RUBCNL: variants seen among roughly 807,000 people sequenced by gnomAD.
The protein encoded by RUBCNL is rubicon like autophagy enhancer, also known as protein associated with UVRAG as autophagy enhancer.
A neutral mutation model predicts 69.5 loss-of-function variants in RUBCNL; 62 were observed. That is an observed-to-expected ratio of 0.89 (90% CI 0.73 to 1.10). The LOEUF (loss-of-function observed/expected upper bound fraction) is 1.10. Ranked by LOEUF, RUBCNL falls within the 50% of genes least tolerant of loss-of-function variation. The probability of loss-of-function intolerance (pLI) is 0.00; values close to 1 mark genes in which losing one functional copy is unlikely to be tolerated. For synonymous variants in RUBCNL, 291 were observed against 303.6 expected, an observed-to-expected ratio of 0.96 and a Z score of 0.43; for missense variants, 768 against 798.1, an observed-to-expected ratio of 0.96 and a Z score of 0.45.
chr13:46,354,000 G>A (rs1044391439), intron 10 of RUBCNL, among the ~76,000 whole-genome samples: 5 of 152,162 alleles, frequency 3.3e-5, no homozygotes, highest in African/African-American at 4.8e-5. Flanking sequence ...TAAATGCAAT[G>A]TATGAAATTT....
chr13:46,346,006 T>C lies in RUBCNL; in HGVS notation c.1632-406A>G, dbSNP rs2048238325. Among the ~76,000 whole-genome samples the C allele has an allele frequency of 1.3e-5, 2 of 152,224 alleles. 1 individual carries two copies. The highest frequency in any genetic ancestry group is 4.8e-5 in the African/African-American group (2 of 41,442). ...CTACATTTCAAGTCTATCAGCCTTA[T>C]GGACTGTTGGCTCAGCTGCGAAAAT... On this transcript the variant is annotated intron_variant, in intron 12 of 14. Transcript: ENST00000429979.
At chr13:46,373,221 G>A (rs907389946) in intron 2 of RUBCNL, among the ~76,000 whole-genome samples, 15 of 152,086 alleles carry the variant, frequency 9.9e-5, no homozygotes, top group Middle Eastern at 3.2e-3. Flanking sequence ...TGATCCACTC[G>A]CCTCAGCCTC....
upstream of RUBCNL, chr13:46,387,481 G>A (rs951203240): frequency 2.0e-5 from 20 of 985,448 alleles, no homozygotes; most frequent in Non-Finnish European, 2.3e-5. Context: ...GCGCGCCTCT[G>A]CCGGTCCTCC....
At chr13:46,352,581 G>A (rs2048394073) in intron 10 of RUBCNL, among the ~76,000 whole-genome samples, 1 of 152,192 alleles carries the variant, frequency 6.6e-6, no homozygotes, top group Admixed American at 6.5e-5. Flanking sequence ...GAGGTGGGCA[G>A]ATCACCTGAG....
chr13:46,364,122 G>A (rs973492601), intron 5 of RUBCNL, among the ~76,000 whole-genome samples: 6 of 152,018 alleles, frequency 3.9e-5, no homozygotes, highest in South Asian at 2.1e-4. Flanking sequence ...TGGGCTGGGC[G>A]CAGTGGCTCA....
intron 12 of RUBCNL, among the ~76,000 whole-genome samples, chr13:46,347,087 G>C (rs2048261690): frequency 6.6e-6 from 1 of 152,194 alleles, no homozygotes; most frequent in South Asian, 2.1e-4. Context: ...ATCACCCAGG[G>C]AGAGAGCATA....
rs997208086 is a variant in RUBCNL, at chr13:46,368,594, G to A, written c.618+139C>T. The A allele has an allele frequency of 1.6e-5, 21 of 1,299,422 alleles. No homozygotes were observed. The African/African-American group carries it at 3.0e-4, about 18-fold the overall frequency. 80.5% of individuals were successfully genotyped at this position (1,299,422 alleles called of 1,614,324 possible). On this transcript the variant is annotated intron_variant, in intron 4 of 14. Coordinates refer to ENST00000429979, the MANE Select transcript of RUBCNL (RefSeq NM_025113.5). The stretch of plus-strand genomic sequence containing the variant: ...GAACCCTTCTTAGCTTAGTGTTTCT[G>A]GCAGTCTCCATCAATCAAATGCTGA...
At chr13:46,381,954 C>T (rs967069662) in intron 1 of RUBCNL, among the ~76,000 whole-genome samples, 5 of 152,078 alleles carry the variant, frequency 3.3e-5, no homozygotes, top group African/African-American at 9.7e-5. Flanking sequence ...ACAGGTGTGC[C>T]ACCATATCTG....
chr13:46,363,291 T>C (rs2048674318), intron 5 of RUBCNL, 78 bp from the exon 6 acceptor site: 2 of 603,630 alleles, frequency 3.3e-6, no homozygotes, highest in East Asian at 3.3e-5. Context: ...CCCAACTAAA[T>C]AGAAATTGGG....
chr13:46,354,098 T>A (rs2048430612), intron 10 of RUBCNL, among the ~76,000 whole-genome samples: 1 of 152,248 alleles, frequency 6.6e-6, no homozygotes, highest in Non-Finnish European at 1.5e-5. Context: ...GAATTGTTTT[T>A]AATTTTTTTG....
At position 46,343,440 on chromosome 13, in the gene RUBCNL, G is replaced by C. The variant is rs749299358; in HGVS notation, c.1934C>G (p.Ala645Gly). Reference sequence around the variant, plus strand: ...AAGTTTTCTCCTCGCTGTGATCCTCGCACACCGGGGGCACTCGGAGGACTG... The same window carrying C: ...AAGTTTTCTCCTCGCTGTGATCCTCCCACACCGGGGGCACTCGGAGGACTG... ...CFQSSECPRC[A>G]RITARRKLLE... The change falls in exon 15 of 15, where the codon GCG (alanine) becomes GGG (glycine). Residue 645 changes from alanine to glycine, a missense_variant. By Grantham distance (60) the Ala-to-Gly change is moderately conservative. Transcript: ENST00000429979. 1 of 1,613,790 alleles carries C rather than the reference G, an allele frequency of 6.2e-7. No homozygotes were observed. The highest frequency in any genetic ancestry group is 8.5e-7 in the Non-Finnish European group (1 of 1,179,874).
At chr13:46,381,533 T>C (rs550811363) in intron 1 of RUBCNL, among the ~76,000 whole-genome samples, 13 of 152,326 alleles carry the variant, frequency 8.5e-5, no homozygotes, top group African/African-American at 2.6e-4. Flanking sequence ...AATGATGGCA[T>C]ATATTTGTGA....
Position 46,372,576 on chromosome 13 carries a change from G to T in RUBCNL, c.-101C>A. On this transcript the variant is annotated 5_prime_UTR_variant, in exon 3 of 15. The change creates a new upstream start codon in the 5' untranslated region. Transcript: ENST00000429979. ...GGGCCCTGAACTCACCACATGGCCAGCTGGGGGTCTGGAGAGCTATTCTGC... is the reference window on the plus strand; with the variant it reads ...GGGCCCTGAACTCACCACATGGCCATCTGGGGGTCTGGAGAGCTATTCTGC... The T allele has an allele frequency of 6.8e-7, 1 of 1,478,394 alleles. No homozygotes were observed. The allele number at this position is 1,478,394 out of a possible 1,614,324, so 91.6% of individuals were successfully genotyped here.
At chr13:46,365,739 C>T (rs890996416) in intron 5 of RUBCNL, among the ~76,000 whole-genome samples, 10 of 152,158 alleles carry the variant, frequency 6.6e-5, no homozygotes, top group Admixed American at 6.5e-4. Context: ...GCACGAGATT[C>T]CTGTTTAAAA....
intron 5 of RUBCNL, among the ~76,000 whole-genome samples, chr13:46,367,250 G>A (rs867053985): frequency 1.3e-5 from 2 of 152,220 alleles, no homozygotes; most frequent in Non-Finnish European, 1.5e-5. Context: ...AGGGCTTCCC[G>A]GTCCCATGCT....
chr13:46,336,484 T>C lies in RUBCNL; in HGVS notation c.*6901A>G, dbSNP rs1403761304. ...TTACAAAGAAAATTTTTGAAAATTA[T>C]TCTAATCCCACTATACAGAGATAAT... On this transcript the variant is annotated 3_prime_UTR_variant, in exon 15 of 15. Transcript: ENST00000429979. Among the ~76,000 whole-genome samples, 1 of 152,224 alleles carries C rather than the reference T, an allele frequency of 6.6e-6. No individual in the cohort carries two copies. The highest frequency in any genetic ancestry group is 1.5e-5 in the Non-Finnish European group (1 of 68,048).
intron 7 of RUBCNL, among the ~76,000 whole-genome samples, chr13:46,362,229 C>T (rs1350240672): frequency 6.6e-6 from 1 of 152,098 alleles, no homozygotes; most frequent in East Asian, 1.9e-4. Flanking sequence ...AAGAGCAAAA[C>T]TCGGTCTCAA....
At chr13:46,356,519 G>A (rs760902341) in intron 9 of RUBCNL, 23 bp from the exon 10 acceptor site, 2 of 1,607,746 alleles carry the variant, frequency 1.2e-6, no homozygotes, top group Non-Finnish European at 1.7e-6. Flanking sequence ...AATAATACTA[G>A]TTACATTTCA....
chr13:46,378,842 T>A (rs912720577), intron 1 of RUBCNL, among the ~76,000 whole-genome samples: 3 of 152,188 alleles, frequency 2.0e-5, no homozygotes, highest in Non-Finnish European at 4.4e-5. Context: ...GTTTTAGGAT[T>A]TTCTATGCCC....
Sources: gnomAD v4.1 joint callset for allele counts (sites outside exome capture counted in the v4.1 genomes callset) on GRCh38, gnomAD v4.1.1 for gene constraint, MANE v1.5 for transcripts, NCBI Gene and HGNC (gene_info 2026-07-23, HGNC 2026-07-21) for gene names.